Variants in NKAIN2 observed in about 807,000 individuals in gnomAD.
NKAIN2 encodes the protein sodium/potassium transporting ATPase interacting 2.
Under a neutral mutation model 32.6 loss-of-function variants are expected in NKAIN2, and 14 were observed. That is an observed-to-expected ratio of 0.43 (90% CI 0.28 to 0.67). NKAIN2 has a LOEUF of 0.67. Ranked by LOEUF, NKAIN2 falls within the 30% of genes least tolerant of loss-of-function variation. The pLI is 0.17. For synonymous variants in NKAIN2, 80 were observed against 87.2 expected (o/e 0.92, Z 0.46); for missense variants, 198 against 258.3 (o/e 0.77, Z 1.60).
chr6:124,184,440 A>C (rs1405845997), intron 1 of NKAIN2, among the ~76,000 whole-genome samples: 1 of 152,116 alleles, frequency 6.6e-6, no homozygotes, highest in Admixed American at 6.6e-5. Flanking sequence ...TGTAATGTTT[A>C]TGTCATTCTG....
chr6:124,055,339 A>T lies in NKAIN2; in HGVS notation c.55-227666A>T, dbSNP rs193281571. 2.5e-3 allele frequency among the ~76,000 whole-genome samples: 374 copies of T among 152,220 alleles called. 1 individual carries two copies. Among genetic ancestry groups the T allele is most frequent in the Admixed American group, 6.1e-3 (93 of 15,242 alleles). ...AAGTAATATTTTCTTTTCAGATACTAGTACCCTGGGATCTTTTAAATAAGA... is the reference window on the plus strand; with the variant it reads ...AAGTAATATTTTCTTTTCAGATACTTGTACCCTGGGATCTTTTAAATAAGA... On this transcript the variant is annotated intron_variant, in intron 1 of 6. Transcript: ENST00000368417.
At chr6:124,683,878 A>C (rs933871771) in intron 4 of NKAIN2, among the ~76,000 whole-genome samples, 3 of 152,200 alleles carry the variant, frequency 2.0e-5, no homozygotes, top group Non-Finnish European at 4.4e-5. Context: ...AGGATTCAGC[A>C]TATTGTGGAA....
At chr6:123,895,050 C>T (rs1774204899) in intron 1 of NKAIN2, among the ~76,000 whole-genome samples, 1 of 151,778 alleles carries the variant, frequency 6.6e-6, no homozygotes, top group Non-Finnish European at 1.5e-5. Context: ...GTTCCTTCTC[C>T]TCCCCTACAC....
intron 1 of NKAIN2, among the ~76,000 whole-genome samples, chr6:124,249,970 A>G (rs929169467): frequency 9.2e-5 from 14 of 152,104 alleles, no homozygotes; most frequent in African/African-American, 2.9e-4. Context: ...GATAAGGGGG[A>G]CAGGTGTATT....
At chr6:123,903,286 G>A (rs2114423557) in intron 1 of NKAIN2, among the ~76,000 whole-genome samples, 1 of 151,966 alleles carries the variant, frequency 6.6e-6, no homozygotes, top group East Asian at 1.9e-4. Flanking sequence ...ATCTAAATTT[G>A]TTTTTTGTTG....
chr6:123,818,149 A>G (rs1036082103), intron 1 of NKAIN2, among the ~76,000 whole-genome samples: 6 of 152,172 alleles, frequency 3.9e-5, no homozygotes, highest in Non-Finnish European at 8.8e-5. Flanking sequence ...TCTTAAAAAG[A>G]TTTAAGATAG....
intron 4 of NKAIN2, among the ~76,000 whole-genome samples, chr6:124,667,454 A>T (rs1562314657): frequency 6.6e-6 from 1 of 152,146 alleles, no homozygotes; most frequent in East Asian, 1.9e-4. Context: ...TATTTCAGAA[A>T]TAAGTAAAGT....
intron 4 of NKAIN2, among the ~76,000 whole-genome samples, chr6:124,748,751 T>G (rs1019424059): frequency 2.6e-5 from 4 of 151,928 alleles, no homozygotes; most frequent in African/African-American, 9.7e-5. Context: ...AGTTTATCCA[T>G]TTGATTTACT....
rs1464287975 is a variant in NKAIN2 at position 124,456,864 on chromosome 6, G to A, written c.273+101517G>A. ...CTCTCTACTTAAATATTTTTAAAATGTCTGCTGTATTTTCATAATTCTTTC... is the reference window on the plus strand; with the variant it reads ...CTCTCTACTTAAATATTTTTAAAATATCTGCTGTATTTTCATAATTCTTTC... On this transcript the variant is annotated intron_variant, in intron 3 of 6. Transcript: ENST00000368417. 2.0e-5 allele frequency among the ~76,000 whole-genome samples: 3 copies of A among 151,806 alleles called. No homozygotes were observed. The East Asian group carries it at 5.8e-4, about 29-fold the overall frequency.
chr6:124,614,087 T>C (rs1296137042), intron 3 of NKAIN2, among the ~76,000 whole-genome samples: 3 of 152,136 alleles, frequency 2.0e-5, no homozygotes, highest in Non-Finnish European at 2.9e-5. Context: ...TTTTCTCCTC[T>C]CTTATTTTTA....
chr6:124,543,477 A>G (rs1297046953), intron 3 of NKAIN2, among the ~76,000 whole-genome samples: 2 of 152,146 alleles, frequency 1.3e-5, no homozygotes, highest in East Asian at 1.9e-4. Context: ...GTATCAATCT[A>G]TGACCCAATT....
At chr6:124,392,524 GTGTGTGTGTGTGCGCT>G (rs1011672608) in intron 3 of NKAIN2, among the ~76,000 whole-genome samples, 11 of 151,928 alleles carry the variant, frequency 7.2e-5, no homozygotes, top group African/African-American at 2.7e-4. Context: ...ATAGTGAGAA[GTGTGTGTGTGTGCGCT>G]TGTGTGTATT....
intron 1 of NKAIN2, among the ~76,000 whole-genome samples, chr6:123,834,949 C>T (rs937809880): frequency 6.6e-6 from 1 of 151,976 alleles, no homozygotes; most frequent in Non-Finnish European, 1.5e-5. Flanking sequence ...TCTTTTTATA[C>T]GTTGTTGGAT....
intron 2 of NKAIN2, among the ~76,000 whole-genome samples, chr6:124,301,757 C>T (rs192548316): frequency 6.6e-6 from 1 of 152,280 alleles, no homozygotes; most frequent in East Asian, 1.9e-4. Flanking sequence ...TCATTTTGGC[C>T]AATTTCTTTC....
intron 3 of NKAIN2, among the ~76,000 whole-genome samples, chr6:124,450,380 G>T (rs1266167707): frequency 1.3e-5 from 2 of 151,752 alleles, no homozygotes; most frequent in African/African-American, 4.8e-5. Context: ...TTAAAGTTTT[G>T]CTTATTTTAA....
At chr6:124,068,299 C>A (rs1783286593) in intron 1 of NKAIN2, among the ~76,000 whole-genome samples, 1 of 151,978 alleles carries the variant, frequency 6.6e-6, no homozygotes. Flanking sequence ...ATGTTTGTTC[C>A]TATTTTTTGG....
intron 1 of NKAIN2, among the ~76,000 whole-genome samples, chr6:123,898,843 C>T (rs923020394): frequency 1.3e-5 from 2 of 152,146 alleles, no homozygotes; most frequent in African/African-American, 2.4e-5. Flanking sequence ...CCTGGAAGGG[C>T]GAGATTCTCC....
At chr6:124,065,631 T>C (rs926779438) in intron 1 of NKAIN2, among the ~76,000 whole-genome samples, 49 of 152,130 alleles carry the variant, frequency 3.2e-4, no homozygotes, top group African/African-American at 1.2e-3. Flanking sequence ...GTTGGTGCCT[T>C]GATCTTGCAC....
rs553354708 is a variant in NKAIN2, at chr6:123,845,533, G to C, written c.54+41279G>C. Among the ~76,000 whole-genome samples, 8 of 152,274 alleles carry C rather than the reference G, an allele frequency of 5.3e-5. No homozygotes were observed. In the East Asian group the frequency reaches 1.4e-3, roughly 26 times the overall value. ...TCACCTTTCTGATTTTTATTATACA[G>C]TTGACTCATGAACAACACAAATTTG... On this transcript the variant is annotated intron_variant, in intron 1 of 6. Coordinates refer to ENST00000368417, the MANE Select transcript of NKAIN2 (RefSeq NM_001040214.3).
Sources: allele counts gnomAD v4.1 joint callset (sites outside exome capture counted in the v4.1 genomes callset), GRCh38; gene constraint gnomAD v4.1.1; transcripts MANE v1.5; gene names NCBI Gene and HGNC (gene_info 2026-07-23, HGNC 2026-07-21).